Variants in MYO9B observed in about 807,000 individuals in gnomAD.
MYO9B encodes unconventional myosin-IXb.
In MYO9B, 71 loss-of-function variants were observed where a neutral mutation model predicts 229.5. That is an observed-to-expected ratio of 0.31 (90% CI 0.26 to 0.38). The LOEUF (loss-of-function observed/expected upper bound fraction) is 0.38, where lower values mean the gene tolerates loss of function less well. Among genes scored for constraint, MYO9B ranks in the 10% least tolerant of loss-of-function variants. The pLI is 1.00. For missense variants in MYO9B, 2,255 were observed against 2,920.5 expected (o/e 0.77, Z 5.25); for synonymous variants, 1,185 against 1,235.8 (o/e 0.96, Z 0.86).
At chr19:17,177,252 G>C (rs1187174381) in intron 14 of MYO9B, among the ~76,000 whole-genome samples, 1 of 151,772 alleles carries the variant, frequency 6.6e-6, no homozygotes, top group Middle Eastern at 3.4e-3. Flanking sequence ...ACACAAGTAA[G>C]GAGAATGCAT....
chr19:17,185,330 C>T (rs1305833845), intron 17 of MYO9B, among the ~76,000 whole-genome samples: 6 of 149,240 alleles, frequency 4.0e-5, no homozygotes, highest in Non-Finnish European at 8.9e-5. Flanking sequence ...GCCGAGATGG[C>T]GCCACTGCAC....
At chr19:17,189,488 C>T (rs1014190454) in intron 19 of MYO9B, among the ~76,000 whole-genome samples, 2 of 151,742 alleles carry the variant, frequency 1.3e-5, no homozygotes, top group Non-Finnish European at 2.9e-5. Flanking sequence ...AATACAAAAG[C>T]CAGGCGTGCT....
At position 17,190,831 on chromosome 19, in the gene MYO9B, G is replaced by A. The variant is rs2072976467; in HGVS notation, c.2689-266G>A. On this transcript the variant is annotated intron_variant, in intron 19 of 39. Coordinates refer to ENST00000682292, the MANE Select transcript of MYO9B (RefSeq NM_004145.4). ...CTGCCACCATGCCCGGCTAAGTAGA[G>A]ATGGGGTTTCACCATGTTGGCCAAG... 3.9e-5 allele frequency among the ~76,000 whole-genome samples: 6 copies of A among 152,106 alleles called. No individual in the cohort carries two copies. In the South Asian group the frequency reaches 1.2e-3, roughly 32 times the overall value.
chr19:17,134,381 GTTTT>G (rs869297825), intron 2 of MYO9B, among the ~76,000 whole-genome samples: 158 of 46,430 alleles, frequency 3.4e-3, no homozygotes, highest in African/African-American at 0.013. Flanking sequence ...CGTTTTGTTT[GTTTT>G]TTTTTTTTTT....
Position 17,183,875 on chromosome 19 carries a change from A to G in MYO9B, c.2373+7A>G. ...AAAGCAGATCATTCCAAAGGTAAAA[A>G]AAAAAACACACCCCGCGCGACACGT... is the stretch of plus-strand genomic sequence containing the variant. On this transcript the variant is annotated splice_region_variant and intron_variant, in intron 16 of 39. Transcript: ENST00000682292. 1.9e-6 allele frequency: 3 copies of G among 1,569,018 alleles called. No individual in the cohort carries two copies. Among genetic ancestry groups the G allele is most frequent in the Non-Finnish European group, 2.6e-6 (3 of 1,162,178 alleles).
intron 2 of MYO9B, among the ~76,000 whole-genome samples, chr19:17,112,157 T>TG (rs1419323252): frequency 6.6e-6 from 1 of 150,758 alleles, no homozygotes; most frequent in Non-Finnish European, 1.5e-5. Flanking sequence ...TGTTGGGGAG[T>TG]GGGGGGATTG....
chr19:17,179,783 C>A (rs558031751), intron 14 of MYO9B, among the ~76,000 whole-genome samples: 2 of 151,502 alleles, frequency 1.3e-5, no homozygotes, highest in African/African-American at 4.8e-5. Flanking sequence ...TCTGTAATCC[C>A]AGCTACTCAG....
intron 11 of MYO9B, among the ~76,000 whole-genome samples, chr19:17,168,457 C>T (rs766774028): frequency 5.3e-5 from 8 of 152,146 alleles, no homozygotes; most frequent in Admixed American, 1.3e-4. Context: ...TGTGCCACCA[C>T]GCCAGACCTT....
intron 1 of MYO9B, among the ~76,000 whole-genome samples, chr19:17,084,403 A>AT (rs1347544191): frequency 1.3e-5 from 2 of 152,018 alleles, no homozygotes; most frequent in South Asian, 2.1e-4. Flanking sequence ...GAAAGAATCA[A>AT]TTTTTTTCCA....
intron 2 of MYO9B, among the ~76,000 whole-genome samples, chr19:17,139,048 G>A (rs4808578): frequency 0.17 from 25,157 of 152,032 alleles, 2,245 homozygotes; most frequent in East Asian, 0.29. Context: ...ATGGTGGCTC[G>A]CGCCTGTAGT....
intron 10 of MYO9B, 89 bp downstream of exon 10, chr19:17,163,211 A>T: frequency 7.2e-7 from 1 of 1,387,780 alleles, no homozygotes; most frequent in South Asian, 1.3e-5. Flanking sequence ...GTAAATATTC[A>T]GTTCAGCGGC....
chr19:17,084,072 A>T (rs1331690929), intron 1 of MYO9B, among the ~76,000 whole-genome samples: 1 of 152,056 alleles, frequency 6.6e-6, no homozygotes, highest in Non-Finnish European at 1.5e-5. Context: ...AAGTGATTAC[A>T]TGCCTGTAAT....
chr19:17,084,784 A>T (rs1054586207), intron 1 of MYO9B, among the ~76,000 whole-genome samples: 1 of 152,028 alleles, frequency 6.6e-6, no homozygotes, highest in African/African-American at 2.4e-5. Context: ...GTGCACCTGT[A>T]ATCCCAGCTA....
At chr19:17,080,704 C>CA (rs1052904752) in intron 1 of MYO9B, among the ~76,000 whole-genome samples, 11 of 152,044 alleles carry the variant, frequency 7.2e-5, no homozygotes, top group East Asian at 1.9e-4. Flanking sequence ...CCCATCTCTA[C>CA]AAAAAAATAC....
chr19:17,193,192 C>A lies in MYO9B; in HGVS notation c.3128+130C>A. The A allele has an allele frequency of 2.7e-6, 3 of 1,113,600 alleles. No individual in the cohort carries two copies. Among genetic ancestry groups the A allele is most frequent in the South Asian group, 2.0e-5 (1 of 51,264 alleles). 69.0% of individuals were successfully genotyped at this position (1,113,600 alleles called of 1,614,324 possible). A position where few individuals can be genotyped will look rare whatever the true frequency, so the allele number is the denominator to read the frequency against. ...ATGTCATTCTGGACACAGGGAAAGG[C>A]TGGTGGGAAACCAGATGCCTAGGCA... is the stretch of plus-strand genomic sequence containing the variant. On this transcript the variant is annotated intron_variant, in intron 21 of 39. Transcript: ENST00000682292. This position sits in a 1 kb window ranked among gnomAD's most constrained non-coding sequence, Gnocchi z 4.3.
At chr19:17,160,941 C>T (rs2072594034) in intron 8 of MYO9B, among the ~76,000 whole-genome samples, 1 of 152,038 alleles carries the variant, frequency 6.6e-6, no homozygotes, top group Non-Finnish European at 1.5e-5. Context: ...TCAGGTGATC[C>T]ACCCGCCTCG....
chr19:17,119,245 T>A (rs1270001800), intron 2 of MYO9B, among the ~76,000 whole-genome samples: 1 of 152,210 alleles, frequency 6.6e-6, no homozygotes, highest in East Asian at 1.9e-4. Context: ...GGCCTCCATG[T>A]CCCTTCAGTG....
rs565086575 is a variant in MYO9B, at chr19:17,097,928, G to A, written c.-58-3732G>A. On this transcript the variant is annotated intron_variant, in intron 1 of 39. Transcript: ENST00000682292. ...GCAGCCACAGACAATAAGGAAAGGA[G>A]TGTGGGCAAGGCTGCCTTCCAGTAA... Among the ~76,000 whole-genome samples, 35 of 152,274 alleles carry A rather than the reference G, an allele frequency of 2.3e-4. No individual in the cohort carries two copies. The Middle Eastern group carries it at 0.017, about 74-fold the overall frequency.
chr19:17,152,969 C>G (rs1324509153), intron 4 of MYO9B, among the ~76,000 whole-genome samples: 1 of 152,114 alleles, frequency 6.6e-6, no homozygotes, highest in Non-Finnish European at 1.5e-5. Flanking sequence ...GATGTCTGCA[C>G]AAAATATACT....
Sources: gnomAD v4.1 joint callset for allele counts (sites outside exome capture counted in the v4.1 genomes callset) on GRCh38, gnomAD v4.1.1 for gene constraint, Gnocchi (gnomAD v3.1) non-coding constraint, MANE v1.5 for transcripts, NCBI Gene and HGNC (gene_info 2026-07-23, HGNC 2026-07-21) for gene names.